Variants in TMEM108 observed in about 807,000 individuals in gnomAD.
TMEM108 encodes the protein cancer/testis antigen 124.
A neutral mutation model predicts 35.1 loss-of-function variants in TMEM108; 12 were observed. The ratio of observed to expected loss-of-function variants is 0.34; its 90% CI spans 0.22 to 0.55. The LOEUF (loss-of-function observed/expected upper bound fraction) is 0.55. TMEM108 is among the 20% of genes least tolerant of loss of function. The pLI is 0.89. For missense variants in TMEM108, 680 were observed against 753.3 expected (o/e 0.90, Z 1.14); for synonymous variants, 287 against 308.6 (o/e 0.93, Z 0.73).
chr3:133,058,555 T>A (rs1173233065), intron 2 of TMEM108, among the ~76,000 whole-genome samples: 1 of 152,196 alleles, frequency 6.6e-6, no homozygotes, highest in Non-Finnish European at 1.5e-5. Flanking sequence ...GCTACTCCCG[T>A]GCCTACAGGC....
intron 2 of TMEM108, among the ~76,000 whole-genome samples, chr3:133,167,800 G>A (rs953427560): frequency 1.3e-5 from 2 of 152,256 alleles, no homozygotes; most frequent in East Asian, 3.9e-4. Flanking sequence ...CAAGCAGAGG[G>A]AGCTGGCTCC....
chr3:133,338,001 C>T (rs1456738589), intron 3 of TMEM108, among the ~76,000 whole-genome samples: 1 of 151,900 alleles, frequency 6.6e-6, no homozygotes, highest in Non-Finnish European at 1.5e-5. Flanking sequence ...TAAAAATACA[C>T]GTCGGAGGAG....
At chr3:133,307,529 A>C (rs1415356478) in intron 3 of TMEM108, among the ~76,000 whole-genome samples, 1 of 152,128 alleles carries the variant, frequency 6.6e-6, no homozygotes, top group Non-Finnish European at 1.5e-5. Context: ...TCTTTAGTCC[A>C]TCTTGAATTA....
intron 2 of TMEM108, among the ~76,000 whole-genome samples, chr3:133,161,700 CAA>C (rs34741383): frequency 7.2e-5 from 10 of 139,050 alleles, no homozygotes; most frequent in Non-Finnish European, 9.4e-5. Flanking sequence ...CTCATTCCCT[CAA>C]AAAAAAAAAA....
chr3:133,310,233 T>C (rs984055985), intron 3 of TMEM108, among the ~76,000 whole-genome samples: 1 of 152,084 alleles, frequency 6.6e-6, no homozygotes, highest in Non-Finnish European at 1.5e-5. Context: ...TGGTCCAGAG[T>C]TGAGTTCAAG....
At chr3:133,090,184 A>G (rs1398604868) in intron 2 of TMEM108, among the ~76,000 whole-genome samples, 1 of 152,120 alleles carries the variant, frequency 6.6e-6, no homozygotes, top group Non-Finnish European at 1.5e-5. Flanking sequence ...AAACATGTAG[A>G]TTGTCACTGT....
At chr3:133,139,735 A>T (rs1246739372) in intron 2 of TMEM108, among the ~76,000 whole-genome samples, 1 of 152,076 alleles carries the variant, frequency 6.6e-6, no homozygotes, top group African/African-American at 2.4e-5. Flanking sequence ...CTGCTCTGCC[A>T]TTTTGTGTTT....
At chr3:133,058,324 T>C (rs1454025370) in intron 2 of TMEM108, among the ~76,000 whole-genome samples, 2 of 152,210 alleles carry the variant, frequency 1.3e-5, no homozygotes. Context: ...GCTGATGGGA[T>C]TGGGCTGGGC....
At chr3:133,266,933 A>AG (rs1491563766) in intron 3 of TMEM108, among the ~76,000 whole-genome samples, 13 of 139,222 alleles carry the variant, frequency 9.3e-5, no homozygotes, top group Admixed American at 2.2e-4. Flanking sequence ...AAAAAAAAAA[A>AG]GCCGGGCGTG....
At chr3:133,174,623 G>C (rs1945183127) in intron 2 of TMEM108, among the ~76,000 whole-genome samples, 1 of 152,184 alleles carries the variant, frequency 6.6e-6, no homozygotes, top group Non-Finnish European at 1.5e-5. Flanking sequence ...GGTCCTGACT[G>C]TTAGAAGGAA....
intron 3 of TMEM108, among the ~76,000 whole-genome samples, chr3:133,262,407 C>T (rs1357257375): frequency 2.0e-5 from 3 of 152,214 alleles, no homozygotes; most frequent in African/African-American, 7.2e-5. Flanking sequence ...GCCCTCTGGG[C>T]AGATTTTCTA....
intron 2 of TMEM108, among the ~76,000 whole-genome samples, chr3:133,157,251 A>C (rs1043141357): frequency 1.3e-5 from 2 of 152,204 alleles, no homozygotes; most frequent in East Asian, 3.8e-4. Flanking sequence ...TTTTCTGTTA[A>C]GTATTTAAGG....
chr3:133,269,843 T>G (rs1033846182), intron 3 of TMEM108, among the ~76,000 whole-genome samples: 13 of 152,150 alleles, frequency 8.5e-5, no homozygotes, highest in African/African-American at 3.1e-4. Flanking sequence ...CCAAGGAATA[T>G]GTAGGGAAGT....
chr3:133,201,252 T>C (rs1454105253), intron 2 of TMEM108, among the ~76,000 whole-genome samples: 1 of 152,150 alleles, frequency 6.6e-6, no homozygotes, highest in Non-Finnish European at 1.5e-5. Context: ...CTTTGAGGTA[T>C]AGCCAATTTT....
At chr3:133,065,617 C>T (rs1007480358) in intron 2 of TMEM108, among the ~76,000 whole-genome samples, 3 of 152,080 alleles carry the variant, frequency 2.0e-5, no homozygotes, top group Non-Finnish European at 2.9e-5. Context: ...GCTTCTCAAC[C>T]TTATTTCCAA....
chr3:133,352,137 G>A (rs559555938), intron 3 of TMEM108, among the ~76,000 whole-genome samples: 1 of 152,188 alleles, frequency 6.6e-6, no homozygotes, highest in Non-Finnish European at 1.5e-5. Context: ...AAGCTAACAG[G>A]CATGGTAACT....
chr3:133,322,644 G>C (rs1053202201), intron 3 of TMEM108, among the ~76,000 whole-genome samples: 10 of 152,086 alleles, frequency 6.6e-5, no homozygotes, highest in Non-Finnish European at 1.2e-4. Context: ...TAGAGAAACA[G>C]GGAAACCTCC....
intron 3 of TMEM108, among the ~76,000 whole-genome samples, chr3:133,289,607 G>T (rs545116495): frequency 4.0e-4 from 61 of 152,346 alleles, no homozygotes; most frequent in African/African-American, 1.5e-3. Flanking sequence ...AACAGGAACT[G>T]TGGGTAATGG....
chr3:133,139,303 A>G (rs369032548), intron 2 of TMEM108, among the ~76,000 whole-genome samples: 363 of 152,246 alleles, frequency 2.4e-3, no homozygotes, highest in South Asian at 0.019. Context: ...GGGTCAATCT[A>G]TCTATCTGAC....
Sources: allele counts gnomAD v4.1 joint callset (sites outside exome capture counted in the v4.1 genomes callset), GRCh38; gene constraint gnomAD v4.1.1; transcripts MANE v1.5; gene names NCBI Gene and HGNC (gene_info 2026-07-23, HGNC 2026-07-21).